Variants in EPHA5 observed in about 807,000 individuals in gnomAD.
EPHA5 encodes ephrin type-A receptor 5.
EPHA5 carries 60 observed loss-of-function variants against 105.0 expected under a neutral mutation model. The ratio of observed to expected loss-of-function variants is 0.57; its 90% CI spans 0.46 to 0.71. EPHA5 has a LOEUF of 0.71. Ranked by LOEUF, EPHA5 falls within the 30% of genes least tolerant of loss-of-function variation. The probability of loss-of-function intolerance (pLI) is 0.00; values close to 1 mark genes in which losing one functional copy is unlikely to be tolerated. For synonymous variants in EPHA5, 513 were observed against 449.1 expected (o/e 1.14, Z -1.80); for missense variants, 1,218 against 1,274.7 (o/e 0.96, Z 0.68).
chr4:65,334,453 G>A (rs1222491065), intron 15 of EPHA5, among the ~76,000 whole-genome samples: 1 of 151,934 alleles, frequency 6.6e-6, no homozygotes, highest in Non-Finnish European at 1.5e-5. Context: ...GCACAAGGTC[G>A]ATTTGAGAAT....
At chr4:65,602,448 T>C (rs1186564898) in intron 2 of EPHA5, 144 bp from the exon 3 acceptor site, 3 of 586,232 alleles carry the variant, frequency 5.1e-6, no homozygotes, top group Non-Finnish European at 5.5e-6. Flanking sequence ...AGGAACTAGA[T>C]ATAAAGTATT....
intron 3 of EPHA5, among the ~76,000 whole-genome samples, chr4:65,536,681 A>G (rs1207735618): frequency 1.3e-5 from 2 of 151,720 alleles, no homozygotes; most frequent in Non-Finnish European, 3.0e-5. Flanking sequence ...GCAATAATTC[A>G]GCAATTTAAT....
chr4:65,419,122 C>T (rs528867609), intron 6 of EPHA5, among the ~76,000 whole-genome samples: 15 of 151,680 alleles, frequency 9.9e-5, no homozygotes, highest in East Asian at 1.9e-4. Context: ...TGACCTCAGG[C>T]GACCACCCGC....
intron 3 of EPHA5, among the ~76,000 whole-genome samples, chr4:65,508,207 C>A (rs1435398732): frequency 6.6e-6 from 1 of 152,014 alleles, no homozygotes; most frequent in Non-Finnish European, 1.5e-5. Context: ...GAAAGAAAAG[C>A]TTAATGGCCT....
chr4:65,398,758 C>T (rs1472429398), intron 8 of EPHA5, among the ~76,000 whole-genome samples: 1 of 152,128 alleles, frequency 6.6e-6, no homozygotes, highest in African/African-American at 2.4e-5. Flanking sequence ...GACAACATGC[C>T]TGCAGATAGG....
intron 6 of EPHA5, among the ~76,000 whole-genome samples, chr4:65,419,214 G>A (rs1422602648): frequency 6.6e-6 from 1 of 151,850 alleles, no homozygotes; most frequent in Non-Finnish European, 1.5e-5. Context: ...ATGTATATAT[G>A]TATATATATA....
At chr4:65,589,926 AT>A (rs1182342791) in intron 3 of EPHA5, among the ~76,000 whole-genome samples, 2 of 152,178 alleles carry the variant, frequency 1.3e-5, no homozygotes, top group African/African-American at 4.8e-5. Context: ...TGATAGTCTC[AT>A]TTTTTATTTT....
chr4:65,443,969 C>G (rs1372016067), intron 5 of EPHA5, among the ~76,000 whole-genome samples: 1 of 151,868 alleles, frequency 6.6e-6, no homozygotes. Flanking sequence ...TGGGGGTACA[C>G]ATCTATGTGT....
At chr4:65,566,575 GATGGAAATCT>G (rs1739557250) in intron 3 of EPHA5, among the ~76,000 whole-genome samples, 1 of 150,508 alleles carries the variant, frequency 6.6e-6, no homozygotes, top group Non-Finnish European at 1.5e-5. Context: ...TTATTTTTTT[GATGGAAATCT>G]AGAGAGGCAG....
intron 5 of EPHA5, among the ~76,000 whole-genome samples, chr4:65,456,723 TAC>T (rs71205367): frequency 0.011 from 1,719 of 151,320 alleles, 35 homozygotes; most frequent in African/African-American, 0.04. Context: ...AATAAACATA[TAC>T]ACACACACAC....
At chr4:65,341,010 T>G (rs558310847) in intron 14 of EPHA5, among the ~76,000 whole-genome samples, 62 of 152,190 alleles carry the variant, frequency 4.1e-4, no homozygotes, top group Non-Finnish European at 7.4e-4. Context: ...CTACTGTACC[T>G]AGGGACATAC....
At chr4:65,383,842 G>C (rs1269306432) in intron 8 of EPHA5, among the ~76,000 whole-genome samples, 1 of 151,380 alleles carries the variant, frequency 6.6e-6, no homozygotes, top group African/African-American at 2.4e-5. Context: ...TGCCTTCTCA[G>C]TGATTCATAA....
chr4:65,372,339 C>A lies in EPHA5; in HGVS notation c.1794-4915G>T, dbSNP rs150269427. 4.8e-3 allele frequency among the ~76,000 whole-genome samples: 734 copies of A among 151,932 alleles called. 10 individuals are homozygous for A. Among genetic ancestry groups the A allele is most frequent in the African/African-American group, 0.016 (683 of 41,502 alleles). On this transcript the variant is annotated intron_variant, in intron 8 of 16. Transcript: ENST00000613740. ...TATGAACATTAAGTTATTAACATAT[C>A]TAATAAAAACTGAACATTGATTAAA... is the stretch of plus-strand genomic sequence containing the variant.
chr4:65,366,534 C>T (rs1437442327), intron 9 of EPHA5, among the ~76,000 whole-genome samples: 1 of 151,924 alleles, frequency 6.6e-6, no homozygotes, highest in Non-Finnish European at 1.5e-5. Context: ...TATTCTGCTT[C>T]TCACTGTACT....
At chr4:65,386,501 C>T (rs1416088558) in intron 8 of EPHA5, among the ~76,000 whole-genome samples, 1 of 151,764 alleles carries the variant, frequency 6.6e-6, no homozygotes, top group Non-Finnish European at 1.5e-5. Flanking sequence ...GTTCTAAGGA[C>T]ATTAATGACA....
intron 8 of EPHA5, among the ~76,000 whole-genome samples, chr4:65,401,770 T>C (rs191013680): frequency 6.6e-6 from 1 of 152,100 alleles, no homozygotes; most frequent in Non-Finnish European, 1.5e-5. Context: ...TACCAAGCTT[T>C]GGATTTGGCA....
In EPHA5 at chr4:65,670,203, G is replaced by A. The variant is rs1750340759; in HGVS notation, c.-461C>T. On this transcript the variant is annotated 5_prime_UTR_variant, in exon 1 of 17. Transcript: ENST00000613740. ...TTTAAAAAAGGAGGAAAAAAGCAGG[G>A]TGGCTAAGGATAAAGAAAGAGGACT... 1 of 239,242 alleles carries A rather than the reference G, an allele frequency of 4.2e-6. No homozygotes were observed. Among genetic ancestry groups the A allele is most frequent in the South Asian group, 1.8e-4 (1 of 5,584 alleles). The allele number at this position is 239,242 out of a possible 1,614,324, so 14.8% of individuals were successfully genotyped here.
chr4:65,371,976 T>C (rs952440431), intron 8 of EPHA5, among the ~76,000 whole-genome samples: 7 of 151,920 alleles, frequency 4.6e-5, no homozygotes, highest in African/African-American at 1.7e-4. Context: ...TTCCTATATA[T>C]TGAAGCAAAA....
At chr4:65,569,681 A>G (rs1739918599) in intron 3 of EPHA5, among the ~76,000 whole-genome samples, 1 of 151,758 alleles carries the variant, frequency 6.6e-6, no homozygotes, top group Non-Finnish European at 1.5e-5. Context: ...AAAATGAATG[A>G]CCATTAATTA....
Sources: allele counts gnomAD v4.1 joint callset (sites outside exome capture counted in the v4.1 genomes callset), GRCh38; gene constraint gnomAD v4.1.1; transcripts MANE v1.5; gene names NCBI Gene and HGNC (gene_info 2026-07-23, HGNC 2026-07-21).